Variants in PDE8B observed in about 807,000 individuals in gnomAD.
PDE8B encodes phosphodiesterase 8B.
A neutral mutation model predicts 101.3 loss-of-function variants in PDE8B; 26 were observed. That is an observed-to-expected ratio of 0.26 (90% CI 0.19 to 0.36). PDE8B has a LOEUF of 0.36. Among genes scored for constraint, PDE8B ranks in the 10% least tolerant of loss-of-function variants. The pLI is 1.00. For synonymous variants in PDE8B, 424 were observed against 429.3 expected, an observed-to-expected ratio of 0.99 and a Z score of 0.15; for missense variants, 810 against 1,163.1, an observed-to-expected ratio of 0.70 and a Z score of 4.42.
chr5:77,195,935 A>G, the PDE8B span, among the ~76,000 whole-genome samples: 1 of 152,142 alleles, frequency 6.6e-6, no homozygotes, highest in Admixed American at 6.5e-5. Flanking sequence ...GTGTAAGTGG[A>G]CCCACAAAGT....
chr5:77,172,747 G>GCT, the PDE8B span, among the ~76,000 whole-genome samples: 3 of 152,196 alleles, frequency 2.0e-5, no homozygotes, highest in African/African-American at 7.2e-5. Flanking sequence ...CAGTACCAGT[G>GCT]CTGACTAGGG....
At chr5:77,174,272 C>G in the PDE8B span, among the ~76,000 whole-genome samples, 528 of 152,270 alleles carry the variant, frequency 3.5e-3, 3 homozygotes, top group African/African-American at 0.012. Flanking sequence ...TCTTGCCCAC[C>G]CTGTCTCTGT....
At chr5:77,389,760 G>C (rs1317689531) in intron 10 of PDE8B, among the ~76,000 whole-genome samples, 1 of 152,038 alleles carries the variant, frequency 6.6e-6, no homozygotes, top group Non-Finnish European at 1.5e-5. Flanking sequence ...TGTTTTTGAG[G>C]TTCATCTTCA....
At chr5:77,388,396 T>C (rs545684426) in intron 10 of PDE8B, among the ~76,000 whole-genome samples, 1 of 152,156 alleles carries the variant, frequency 6.6e-6, no homozygotes, top group Non-Finnish European at 1.5e-5. Flanking sequence ...GTATCACCAG[T>C]GGAGGCTGCA....
chr5:77,422,469 G>C (rs1167219263), intron 20 of PDE8B, among the ~76,000 whole-genome samples: 1 of 152,146 alleles, frequency 6.6e-6, no homozygotes, highest in East Asian at 1.9e-4. Flanking sequence ...GACGTTCAGA[G>C]AGACTTTTTT....
Position 77,425,799 on chromosome 5 carries a change from G to A in PDE8B, c.2451G>A (p.Val817=). The change falls in exon 21 of 22, where the codon GTG becomes GTA. Residue 817 remains valine (V), a synonymous_variant. Coordinates refer to ENST00000264917, the MANE Select transcript of PDE8B (RefSeq NM_003719.5). ...TDEEKRQGLP[V]VMPVFDRNTC... is the part of the protein sequence containing the mutation. ...AAGAGAAGAGACAGGGACTACCTGT[G>A]GTGATGCCAGTGTTTGACCGGAATA... 6.2e-7 allele frequency: 1 copy of A among 1,612,754 alleles called. No individual in the cohort carries two copies. The highest frequency in any genetic ancestry group is 8.5e-7 in the Non-Finnish European group (1 of 1,178,802).
At chr5:77,314,741 T>G (rs1219585954) in intron 2 of PDE8B, among the ~76,000 whole-genome samples, 1 of 151,980 alleles carries the variant, frequency 6.6e-6, no homozygotes, top group Non-Finnish European at 1.5e-5. Context: ...AGAACAATGG[T>G]GTGTTTAGCT....
Position 77,211,220 on chromosome 5 carries a change from A to G in PDE8B, c.295A>G (p.Ser99Gly). 1 of 1,572,632 alleles carries G rather than the reference A, an allele frequency of 6.4e-7. No homozygotes were observed. The highest frequency in any genetic ancestry group is 2.3e-5 in the East Asian group (1 of 43,146). Residue 99 changes from serine (S) to glycine (G), a missense_variant, in exon 1 of 22, where the codon AGC (serine) becomes GGC (glycine). By Grantham distance (56) the Ser-to-Gly change is moderately conservative. Around this residue, in one of 4 missense-constraint regions of PDE8B, gnomAD observed 251 missense variants for 378.8 expected, o/e 0.66. Transcript: ENST00000264917. The surrounding 1 kb of genome is among the most constrained non-coding windows in gnomAD (Gnocchi z 4.1). The part of the protein sequence containing the change: ...TSRGRRRHCC[S>G]SAEAETQTCY... ...CAGGGGCCGGAGGCGCCACTGCTGC[A>G]GCAGCGCCGAGGCCGAGACTCAGAC...
At chr5:77,217,650 C>T (rs1199064507) in intron 1 of PDE8B, among the ~76,000 whole-genome samples, 2 of 152,038 alleles carry the variant, frequency 1.3e-5, no homozygotes, top group African/African-American at 2.4e-5. Context: ...ATCCTCCTGC[C>T]TCAGCCTCCC....
chr5:77,381,285 A>AC (rs1402139744), intron 10 of PDE8B, among the ~76,000 whole-genome samples: 1 of 152,236 alleles, frequency 6.6e-6, no homozygotes, highest in Non-Finnish European at 1.5e-5. Flanking sequence ...AGCTGATGGT[A>AC]CCTGCGTTCT....
At chr5:77,353,696 TA>T (rs1472111378) in intron 10 of PDE8B, among the ~76,000 whole-genome samples, 7 of 152,218 alleles carry the variant, frequency 4.6e-5, no homozygotes, top group Non-Finnish European at 8.8e-5. Context: ...AAAAATGTTC[TA>T]TTTTTATCTT....
chr5:77,117,938 T>C, the PDE8B span, among the ~76,000 whole-genome samples: 3 of 152,026 alleles, frequency 2.0e-5, no homozygotes, highest in African/African-American at 7.3e-5. Flanking sequence ...TTTTTGGTGG[T>C]GGTGGTTGTT....
At chr5:77,354,724 C>T (rs1206089791) in intron 10 of PDE8B, among the ~76,000 whole-genome samples, 2 of 152,184 alleles carry the variant, frequency 1.3e-5, no homozygotes, top group African/African-American at 2.4e-5. Context: ...CAGTTCATGC[C>T]TTTCCCCCAC....
In PDE8B at chr5:77,418,115, A is replaced by G. The variant is rs534128803; in HGVS notation, c.1912-114A>G. 2.3e-4 allele frequency: 172 copies of G among 751,222 alleles called. 1 individual carries two copies. Among genetic ancestry groups the G allele is most frequent in the Non-Finnish European group, 3.5e-4 (150 of 424,250 alleles). The allele number at this position is 751,222 out of a possible 1,614,324, so 46.5% of individuals were successfully genotyped here. ...TCTAGGTCAGAAGGCTCAGCTGGCT[A>G]AAAACGTTCTGAAAATCTCAAATCC... On this transcript the variant is annotated intron_variant, in intron 17 of 21. Coordinates refer to ENST00000264917, the MANE Select transcript of PDE8B (RefSeq NM_003719.5).
chr5:77,215,669 A>G (rs1749518310), intron 1 of PDE8B, among the ~76,000 whole-genome samples: 2 of 152,240 alleles, frequency 1.3e-5, no homozygotes, highest in African/African-American at 4.8e-5. Context: ...GGGCGCCAGC[A>G]GGACAGAATA....
intron 10 of PDE8B, among the ~76,000 whole-genome samples, chr5:77,370,329 C>A (rs555282352): frequency 6.6e-6 from 1 of 152,310 alleles, no homozygotes; most frequent in South Asian, 2.1e-4. Context: ...GTCCCCCAGT[C>A]CTCAGAAGAA....
the PDE8B span, among the ~76,000 whole-genome samples, chr5:77,164,341 A>C: frequency 6.6e-6 from 1 of 152,222 alleles, no homozygotes; most frequent in Non-Finnish European, 1.5e-5. Flanking sequence ...TGTTATTCTA[A>C]AAATTGTATG....
intron 1 of PDE8B, among the ~76,000 whole-genome samples, chr5:77,262,333 G>C (rs1760791219): frequency 6.6e-6 from 1 of 152,150 alleles, no homozygotes; most frequent in Admixed American, 6.6e-5. Flanking sequence ...GTGGTCATGG[G>C]TTAGCTTTAT....
intron 1 of PDE8B, among the ~76,000 whole-genome samples, chr5:77,275,288 C>T (rs1763628540): frequency 6.6e-6 from 1 of 152,168 alleles, no homozygotes; most frequent in South Asian, 2.1e-4. Flanking sequence ...CCACTGTTAA[C>T]AATGTGGAGT....
Sources: gnomAD v4.1 joint callset for allele counts (sites outside exome capture counted in the v4.1 genomes callset) on GRCh38, gnomAD v4.1.1 for gene constraint, gnomAD v4.1.1 regional missense constraint, Gnocchi (gnomAD v3.1) non-coding constraint, MANE v1.5 for transcripts, NCBI Gene and HGNC (gene_info 2026-07-23, HGNC 2026-07-21) for gene names.